Variants in EML6 observed in about 807,000 individuals in gnomAD.
EML6 encodes EMAP like 6, also known as echinoderm microtubule-associated protein-like 6.
A neutral mutation model predicts 240.1 loss-of-function variants in EML6; 154 were observed. That is an observed-to-expected ratio of 0.64 (90% confidence interval 0.56 to 0.73). The LOEUF is 0.73. Ranked by LOEUF, EML6 falls within the 30% of genes least tolerant of loss-of-function variation. The probability of loss-of-function intolerance (pLI) is 0.00; values close to 1 mark genes in which losing one functional copy is unlikely to be tolerated. For synonymous variants in EML6, 1,148 were observed against 899.0 expected, an observed-to-expected ratio of 1.28 and a Z score of -4.95; for missense variants, 2,964 against 2,474.6, an observed-to-expected ratio of 1.20 and a Z score of -4.20.
At chr2:54,804,176 T>G (rs1312859747) in intron 2 of EML6, among the ~76,000 whole-genome samples, 2 of 152,228 alleles carry the variant, frequency 1.3e-5, no homozygotes, top group Non-Finnish European at 2.9e-5. Context: ...GCAAAGCCAC[T>G]AGACCAGATG....
At chr2:54,853,206 C>G (rs1054071298) in intron 10 of EML6, among the ~76,000 whole-genome samples, 5 of 152,238 alleles carry the variant, frequency 3.3e-5, no homozygotes, top group Non-Finnish European at 7.4e-5. Flanking sequence ...GGTGACTAAA[C>G]ATGATGATAC....
chr2:54,858,102 C>T (rs996079832), intron 11 of EML6, among the ~76,000 whole-genome samples: 1 of 152,176 alleles, frequency 6.6e-6, no homozygotes, highest in Non-Finnish European at 1.5e-5. Flanking sequence ...AGGTTGCAGT[C>T]ATGTGAAGGC....
intron 40 of EML6, among the ~76,000 whole-genome samples, 152 bp downstream of exon 40, chr2:54,968,433 G>T (rs576417150): frequency 7.2e-5 from 11 of 152,298 alleles, no homozygotes; most frequent in Admixed American, 1.3e-4. Flanking sequence ...CCTCCTGGAG[G>T]GGCAGTCCTG....
At chr2:54,866,008 T>C (rs1455217318) in intron 13 of EML6, among the ~76,000 whole-genome samples, 1 of 152,192 alleles carries the variant, frequency 6.6e-6, no homozygotes, top group Non-Finnish European at 1.5e-5. Flanking sequence ...TCTAGAAGCT[T>C]GGTTAATTGC....
At chr2:54,850,735 A>G (rs991314971) in intron 10 of EML6, among the ~76,000 whole-genome samples, 4 of 152,328 alleles carry the variant, frequency 2.6e-5, no homozygotes, top group South Asian at 2.1e-4. Flanking sequence ...AACCACATAT[A>G]CTGCTGGTGA....
At chr2:54,874,650 A>T (rs542886649) in intron 16 of EML6, among the ~76,000 whole-genome samples, 7 of 152,174 alleles carry the variant, frequency 4.6e-5, no homozygotes, top group Non-Finnish European at 8.8e-5. Context: ...AAAAACTTTG[A>T]CTGATACGTG....
At chr2:54,793,236 C>T (rs1290830142) in intron 2 of EML6, among the ~76,000 whole-genome samples, 3 of 152,154 alleles carry the variant, frequency 2.0e-5, no homozygotes, top group African/African-American at 7.2e-5. Flanking sequence ...CACTGCATTC[C>T]AGCCTGGGCA....
chr2:54,969,562 C>G (rs563763072), intron 41 of EML6, among the ~76,000 whole-genome samples: 1 of 152,196 alleles, frequency 6.6e-6, no homozygotes, highest in Non-Finnish European at 1.5e-5. Context: ...GCAGCACCAA[C>G]CCAATTGTGA....
At chr2:54,742,222 C>T (rs1352989985) in intron 2 of EML6, among the ~76,000 whole-genome samples, 2 of 152,202 alleles carry the variant, frequency 1.3e-5, no homozygotes, top group African/African-American at 4.8e-5. Context: ...TGGAATGCGA[C>T]CCTACCCCCA....
chr2:54,909,849 T>C (rs567627760), intron 24 of EML6, among the ~76,000 whole-genome samples: 35 of 59,616 alleles, frequency 5.9e-4, no homozygotes, highest in Admixed American at 1.8e-3. Flanking sequence ...AGACTCCATC[T>C]CAAAAAAAAA....
intron 2 of EML6, among the ~76,000 whole-genome samples, chr2:54,753,437 T>C (rs969031772): frequency 1.4e-4 from 22 of 152,116 alleles, no homozygotes; most frequent in Non-Finnish European, 2.6e-4. Flanking sequence ...GTGGGCTCAA[T>C]GTAATCATAA....
At position 54,905,554 on chromosome 2, in the gene EML6, G is replaced by A. The variant is rs536245695; in HGVS notation, c.3409+2052G>A. 7.6e-4 allele frequency among the ~76,000 whole-genome samples: 115 copies of A among 152,264 alleles called. 2 individuals carry two copies. The highest frequency in any genetic ancestry group is 2.7e-3 in the African/African-American group (113 of 41,534). On this transcript the variant is annotated intron_variant, in intron 24 of 41. Transcript: ENST00000356458. ...ATTGTGAAGTACACATAACAAAAATGTACCATTTTAATCATTTTTTAAGTG... is the reference window on the plus strand; with the variant it reads ...ATTGTGAAGTACACATAACAAAAATATACCATTTTAATCATTTTTTAAGTG...
At chr2:54,903,290 C>T in intron 23 of EML6, 81 bp from the exon 24 acceptor site, 1 of 1,523,156 alleles carries the variant, frequency 6.6e-7, no homozygotes, top group East Asian at 2.5e-5. Flanking sequence ...TGACCATTTT[C>T]CCACTTTTAA....
At chr2:54,967,228 G>C (rs1676787086) in intron 39 of EML6, 125 bp downstream of exon 39, 2 of 647,608 alleles carry the variant, frequency 3.1e-6, no homozygotes, top group Non-Finnish European at 5.3e-6. Context: ...CTTTTCTTTT[G>C]GGGGTGAGGG....
Position 54,876,077 on chromosome 2 carries a change from G to C in EML6, c.2345-3470G>C, listed in dbSNP as rs146742323. The stretch of plus-strand genomic sequence containing the variant: ...CATTAAATGCCTTCATATTATTTCT[G>C]GACTATGTCACAGACATCCATAATT... On this transcript the variant is annotated intron_variant, in intron 16 of 41. Transcript: ENST00000356458. Among the ~76,000 whole-genome samples, 166 of 152,168 alleles carry C rather than the reference G, an allele frequency of 1.1e-3. 1 individual carries two copies. The highest frequency in any genetic ancestry group is 3.7e-3 in the African/African-American group (155 of 41,506).
intron 26 of EML6, among the ~76,000 whole-genome samples, chr2:54,924,002 A>G (rs960997308): frequency 3.3e-5 from 5 of 152,218 alleles, no homozygotes; most frequent in Non-Finnish European, 7.3e-5. Context: ...TTGTGTGGAT[A>G]TAACAGGTTG....
At position 54,903,503 on chromosome 2, in the gene EML6, G is replaced by A. The variant is rs1434355965; in HGVS notation, c.3409+1G>A. The A allele has an allele frequency of 1.3e-6, 2 of 1,541,442 alleles. No homozygotes were observed. Among genetic ancestry groups the A allele is most frequent in the Non-Finnish European group, 1.8e-6 (2 of 1,142,044 alleles). On this transcript the variant is annotated splice_donor_variant, in intron 24 of 41. Coordinates refer to ENST00000356458, the MANE Select transcript of EML6 (RefSeq NM_001039753.4). LOFTEE classifies it high-confidence loss of function. ...ACACACATTGACTGGGACTCTAGAG[G>A]TAAAGTATGTTGTGGCTTTTAAAAT...
Position 54,876,665 on chromosome 2 carries a change from T to C in EML6, c.2345-2882T>C, listed in dbSNP as rs114136613. Among the ~76,000 whole-genome samples, 277 of 152,360 alleles carry C rather than the reference T, an allele frequency of 1.8e-3. 1 individual carries two copies. Among genetic ancestry groups the C allele is most frequent in the Admixed American group, 5.5e-3 (84 of 15,310 alleles). On this transcript the variant is annotated intron_variant, in intron 16 of 41. Coordinates refer to ENST00000356458, the MANE Select transcript of EML6 (RefSeq NM_001039753.4). ...AATGCAACAAGACATTGAATATTTG[T>C]ACAGTGTTTTTGAAATGGACAATTT...
chr2:54,883,830 A>G (rs1013322699), intron 17 of EML6, among the ~76,000 whole-genome samples: 1 of 152,208 alleles, frequency 6.6e-6, no homozygotes, highest in African/African-American at 2.4e-5. Context: ...TTATTTATAT[A>G]TTGACATTAG....
Sources: gnomAD v4.1 joint callset for allele counts (sites outside exome capture counted in the v4.1 genomes callset) on GRCh38, gnomAD v4.1.1 for gene constraint, MANE v1.5 for transcripts, NCBI Gene and HGNC (gene_info 2026-07-23, HGNC 2026-07-21) for gene names.